The following CARS1 variants were observed in gnomAD, a reference collection of about 807,000 sequenced individuals.
CARS1 encodes the protein cysteinyl-tRNA synthetase 1, also known as cysteine--tRNA ligase, cytoplasmic.
Under a neutral mutation model 106.2 loss-of-function variants are expected in CARS1, and 48 were observed. The ratio of observed to expected loss-of-function variants is 0.45; its 90% CI spans 0.36 to 0.57. CARS1 has a LOEUF of 0.57. Among genes scored for constraint, CARS1 ranks in the 20% least tolerant of loss-of-function variants. The probability of loss-of-function intolerance (pLI) is 0.00; values close to 1 mark genes in which losing one functional copy is unlikely to be tolerated. For synonymous variants in CARS1, 409 were observed against 403.4 expected (o/e 1.01, Z -0.17); for missense variants, 968 against 1,057.2 (o/e 0.92, Z 1.17).
Position 3,024,187 on chromosome 11 carries a change from G to A in CARS1, c.1153+2489C>T, listed in dbSNP as rs531742563. On this transcript the variant is annotated intron_variant, in intron 10 of 22. Transcript: ENST00000380525. ...ATTACAGGCGTGAGCCACTGCACCC[G>A]GCACCTCACTTATTTTCCATCTTTG... Among the ~76,000 whole-genome samples the A allele has an allele frequency of 2.6e-5, 4 of 152,244 alleles. No homozygotes were observed. In the South Asian group the frequency reaches 8.3e-4, roughly 32 times the overall value.
At chr11:3,057,115 G>A (rs1388761866) in intron 1 of CARS1, among the ~76,000 whole-genome samples, 3 of 150,706 alleles carry the variant, frequency 2.0e-5, no homozygotes, top group Non-Finnish European at 4.4e-5. Flanking sequence ...CTCAGACCCC[G>A]AGCACCCCCG....
intron 16 of CARS1, among the ~76,000 whole-genome samples, chr11:3,016,413 CG>C (rs920774935): frequency 1.6e-4 from 24 of 151,612 alleles, no homozygotes; most frequent in Admixed American, 8.5e-4. Flanking sequence ...TTAGTAGAGA[CG>C]GGGTTTCACC....
Position 3,057,395 on chromosome 11 carries a change from G to T in CARS1, c.-28C>A, listed in dbSNP as rs781447285. On this transcript the variant is annotated 5_prime_UTR_variant, in exon 1 of 23. Transcript: ENST00000380525. ...CTGGGAATCCCGGACCCGCAGCTGC[G>T]GCTACAGACACTTCCTAGAATCTGA... 1.2e-6 allele frequency: 2 copies of T among 1,605,572 alleles called. No individual in the cohort carries two copies. Among genetic ancestry groups the T allele is most frequent in the African/African-American group, 1.3e-5 (1 of 74,918 alleles).
rs967731665 is a variant in CARS1 at position 3,034,437 on chromosome 11, T to TCTCAAACCCCTGAC, written c.801+3599_801+3612dup. Among the ~76,000 whole-genome samples, 3 of 152,144 alleles carry TCTCAAACCCCTGAC rather than the reference T, an allele frequency of 2.0e-5. No homozygotes were observed. Among genetic ancestry groups the TCTCAAACCCCTGAC allele is most frequent in the Admixed American group, 2.0e-4 (3 of 15,272 alleles). ...GGTTTTGCCATGTTGGCCAGGCTGG[T>TCTCAAACCCCTGAC]CTCAAACCCCTGACCTCAGGTGATC... is the stretch of plus-strand genomic sequence containing the variant. On this transcript the variant is annotated intron_variant, in intron 7 of 22. Coordinates refer to ENST00000380525, the MANE Select transcript of CARS1 (RefSeq NM_001014437.3). This position sits in a 1 kb window ranked among gnomAD's most constrained non-coding sequence, Gnocchi z 6.3.
Position 3,042,270 on chromosome 11 carries a change from A to G in CARS1, c.275-14T>C. The G allele has an allele frequency of 2.5e-6, 4 of 1,606,794 alleles. No homozygotes were observed. Among genetic ancestry groups the G allele is most frequent in the Non-Finnish European group, 3.4e-6 (4 of 1,177,796 alleles). ...GCCGGCCTTTGCCTGGGAGGCAGAGAGAGCAGGATCAGGGTCCAGGGGCAG... is the reference window on the plus strand; with the variant it reads ...GCCGGCCTTTGCCTGGGAGGCAGAGGGAGCAGGATCAGGGTCCAGGGGCAG... On this transcript the variant is annotated splice_polypyrimidine_tract_variant and intron_variant, in intron 2 of 22. Coordinates refer to ENST00000380525, the MANE Select transcript of CARS1 (RefSeq NM_001014437.3).
intron 18 of CARS1, chr11:3,009,625 C>T (rs894203823): frequency 6.6e-6 from 1 of 152,364 alleles, no homozygotes; most frequent in African/African-American, 2.4e-5. Context: ...GCAGAGGGCC[C>T]TGGCCCAGCC....
In CARS1 at chr11:3,026,746, G is replaced by T. The variant is rs145300178; in HGVS notation, c.1083C>A (p.Ser361Arg). ...VYFDTAKFASSEKHSYGKLVP... is the reference protein window; with the variant it reads ...VYFDTAKFASREKHSYGKLVP... The stretch of plus-strand genomic sequence containing the variant: ...CCAGCTTCCCATAGGAGTGCTTCTC[G>T]CTAGAAGCAAACTTCGCTGTATCAA... The change falls in exon 10 of 23, where the codon AGC (serine) becomes AGA (arginine). Residue 361 changes from serine to arginine, a missense_variant. By Grantham distance (110) the Ser-to-Arg change is moderately radical. Coordinates refer to ENST00000380525, the MANE Select transcript of CARS1 (RefSeq NM_001014437.3). The T allele has an allele frequency of 3.1e-6, 5 of 1,613,818 alleles. No homozygotes were observed. The highest frequency in any genetic ancestry group is 4.2e-6 in the Non-Finnish European group (5 of 1,179,876).
intron 22 of CARS1, 110 bp from the exon 23 acceptor site, chr11:3,001,358 G>T: frequency 7.7e-7 from 1 of 1,293,416 alleles, no homozygotes; most frequent in Non-Finnish European, 1.1e-6. Context: ...ATGCAGCCAT[G>T]TCCTCTTGCT....
At position 3,044,422 on chromosome 11, in the gene CARS1, T is replaced by C. The variant is rs1046678877; in HGVS notation, c.275-2166A>G. The stretch of plus-strand genomic sequence containing the variant: ...ACATAAGGACCCTTGCCCCCCTTTT[T>C]TTTTTTTAGATAAAATCTGGCTGAA... On this transcript the variant is annotated intron_variant, in intron 2 of 22. Coordinates refer to ENST00000380525, the MANE Select transcript of CARS1 (RefSeq NM_001014437.3). The surrounding 1 kb of genome is among the most constrained non-coding windows in gnomAD (Gnocchi z 4.4). 6.6e-6 allele frequency among the ~76,000 whole-genome samples: 1 copy of C among 152,106 alleles called. No homozygotes were observed. Among genetic ancestry groups the C allele is most frequent in the African/African-American group, 2.4e-5 (1 of 41,432 alleles).
rs568962413 is a variant in CARS1 at position 3,039,509 on chromosome 11, G to A, written c.553-217C>T. ...CAAGGCCTAACATGATCTTTCTGACGCTTAATGAAATGAGCCCTGGGGGCC... is the reference window on the plus strand; with the variant it reads ...CAAGGCCTAACATGATCTTTCTGACACTTAATGAAATGAGCCCTGGGGGCC... On this transcript the variant is annotated intron_variant, in intron 5 of 22. Coordinates refer to ENST00000380525, the MANE Select transcript of CARS1 (RefSeq NM_001014437.3). The surrounding 1 kb of genome is among the most constrained non-coding windows in gnomAD (Gnocchi z 5.6). Among the ~76,000 whole-genome samples the A allele has an allele frequency of 6.6e-5, 10 of 152,252 alleles. No homozygotes were observed. The South Asian group carries it at 1.2e-3, about 19-fold the overall frequency.
chr11:3,005,425 T>G lies in CARS1; in HGVS notation c.2158A>C (p.Thr720Pro). Residue 720 changes from threonine to proline, a missense_variant, in exon 20 of 23, where the codon ACA becomes CCA. Transcript: ENST00000380525. ...VRFEDHEGLPTVVKLVDRNTL... is the reference protein window; with the variant it reads ...VRFEDHEGLPPVVKLVDRNTL... ...TTTCTGTCTACCAGTTTCACCACTG[T>G]GGGCAGTCCTGCAAAATAAACTGCG... 3.7e-6 allele frequency: 6 copies of G among 1,613,604 alleles called. No individual in the cohort carries two copies. The highest frequency in any genetic ancestry group is 5.1e-6 in the Non-Finnish European group (6 of 1,179,558).
intron 17 of CARS1, among the ~76,000 whole-genome samples, chr11:3,012,713 C>T (rs1433554735): frequency 6.6e-6 from 1 of 152,092 alleles, no homozygotes; most frequent in Non-Finnish European, 1.5e-5. Context: ...TGGCGGCTCC[C>T]GGGCCGTGCT....
At chr11:3,018,585 T>C in intron 13 of CARS1, 35 bp downstream of exon 13, 4 of 1,612,870 alleles carry the variant, frequency 2.5e-6, no homozygotes, top group Middle Eastern at 1.7e-4. Context: ...TATGAGAAGG[T>C]GGTTGGGGGG....
In CARS1 at chr11:3,028,178, G is replaced by T. The variant is rs1015337211; in HGVS notation, c.1031+818C>A. The T allele has an allele frequency of 1.6e-5, 5 of 315,130 alleles. No homozygotes were observed. The highest frequency in any genetic ancestry group is 3.1e-5 in the Non-Finnish European group (5 of 163,616). The allele number at this position is 315,130 out of a possible 1,614,324, so 19.5% of individuals were successfully genotyped here. On this transcript the variant is annotated intron_variant, in intron 9 of 22. Transcript: ENST00000380525. The surrounding 1 kb of genome is among the most constrained non-coding windows in gnomAD (Gnocchi z 4.4). ...CTGCCTTGGCTGCCAGGCAGGGAAG[G>T]GCCCCCTGTCCAGTGGACACGTGAC...
chr11:3,036,138 C>T (rs1485019349), intron 7 of CARS1, among the ~76,000 whole-genome samples: 1 of 152,210 alleles, frequency 6.6e-6, no homozygotes, highest in African/African-American at 2.4e-5. Context: ...GCTGTGTCCC[C>T]TCATGGGAGG....
At position 3,006,867 on chromosome 11, in the gene CARS1, G is replaced by C; in HGVS notation, c.2149+12C>G. On this transcript the variant is annotated intron_variant, in intron 19 of 22. Transcript: ENST00000380525. Reference sequence around the variant, plus strand: ...CTGGTAACTTTGTAGCAAACAGCAAGGGCTCACCCACCTTCGTGGTCTTCA... The same window carrying C: ...CTGGTAACTTTGTAGCAAACAGCAACGGCTCACCCACCTTCGTGGTCTTCA... 6.2e-7 allele frequency: 1 copy of C among 1,610,754 alleles called. No homozygotes were observed. The highest frequency in any genetic ancestry group is 8.5e-7 in the Non-Finnish European group (1 of 1,176,946).
rs191972912 is a variant in CARS1 at position 3,020,309 on chromosome 11, G to T, written c.1177C>A (p.Arg393Ser). The T allele has an allele frequency of 5.1e-5, 83 of 1,613,594 alleles. 1 individual carries two copies. The highest frequency in any genetic ancestry group is 3.1e-4 in the East Asian group (14 of 44,882). ...TTGGGAGAGCGCTTCTCACTCAGGC[G>T]GTCTGCAGAGATGCTCAGGTCACCT... Reference protein sequence around the residue: ...GEGDLSISADRLSEKRSPNDF... With the variant: ...GEGDLSISADSLSEKRSPNDF... The change falls in exon 11 of 23, where the codon CGC (arginine) becomes AGC (serine). Residue 393 changes from arginine to serine, a missense_variant. Transcript: ENST00000380525. This position sits in a 1 kb window ranked among gnomAD's most constrained non-coding sequence, Gnocchi z 4.6.
At position 3,004,295 on chromosome 11, in the gene CARS1, C is replaced by A. The variant is rs899024738; in HGVS notation, c.2217+1071G>T. 6.6e-6 allele frequency among the ~76,000 whole-genome samples: 1 copy of A among 152,244 alleles called. No individual in the cohort carries two copies. Among genetic ancestry groups the A allele is most frequent in the African/African-American group, 2.4e-5 (1 of 41,466 alleles). ...CGTTATTCCTCCAAAGCACTGCAAA[C>A]TCCAGCCACCCACACTTGGATCTGG... On this transcript the variant is annotated intron_variant, in intron 20 of 22. Transcript: ENST00000380525. The surrounding 1 kb of genome is among the most constrained non-coding windows in gnomAD (Gnocchi z 5.2).
In CARS1 at chr11:3,017,568, G is replaced by C; in HGVS notation, c.1728-273C>G. 3.6e-6 allele frequency: 2 copies of C among 552,550 alleles called. No individual in the cohort carries two copies. Among genetic ancestry groups the C allele is most frequent in the Admixed American group, 3.2e-5 (1 of 31,202 alleles). The allele number at this position is 552,550 out of a possible 1,614,324, so 34.2% of individuals were successfully genotyped here. A position where few individuals can be genotyped will look rare whatever the true frequency, so the allele number is the denominator to read the frequency against. Reference sequence around the variant, plus strand: ...TGAGGCAGGAGAATCGCTCGAACCCGGGAGGTGGAGGTTGTGGTGAGCCGA... The same window carrying C: ...TGAGGCAGGAGAATCGCTCGAACCCCGGAGGTGGAGGTTGTGGTGAGCCGA... On this transcript the variant is annotated intron_variant, in intron 15 of 22. Transcript: ENST00000380525. This position sits in a 1 kb window ranked among gnomAD's most constrained non-coding sequence, Gnocchi z 4.9.
Sources: gnomAD v4.1 joint callset for allele counts (sites outside exome capture counted in the v4.1 genomes callset) on GRCh38, gnomAD v4.1.1 for gene constraint, Gnocchi (gnomAD v3.1) non-coding constraint, MANE v1.5 for transcripts, NCBI Gene and HGNC (gene_info 2026-07-23, HGNC 2026-07-21) for gene names.